TANC1: variants seen among roughly 807,000 people sequenced by gnomAD.
TANC1 encodes tetratricopeptide repeat, ankyrin repeat and coiled-coil containing 1, also known as protein TANC1.
A neutral mutation model predicts 149.7 loss-of-function variants in TANC1; 77 were observed. The ratio of observed to expected loss-of-function variants is 0.51; its 90% CI spans 0.43 to 0.62. The LOEUF is 0.62. TANC1 is among the 20% of genes least tolerant of loss of function. The pLI, the probability that TANC1 is intolerant of heterozygous loss-of-function variation, is 0.00. For missense variants in TANC1, 1,985 were observed against 2,321.8 expected, an observed-to-expected ratio of 0.85 and a Z score of 2.98; for synonymous variants, 854 against 925.0, an observed-to-expected ratio of 0.92 and a Z score of 1.39.
chr2:159,179,712 G>A (rs2056272680), intron 14 of TANC1, among the ~76,000 whole-genome samples: 1 of 152,174 alleles, frequency 6.6e-6, no homozygotes, highest in Admixed American at 6.5e-5. Context: ...TTCACCCTTT[G>A]TGGATGAGCT....
At chr2:159,177,807 G>C (rs930481664) in intron 13 of TANC1, among the ~76,000 whole-genome samples, 2 of 152,176 alleles carry the variant, frequency 1.3e-5, no homozygotes, top group African/African-American at 4.8e-5. Context: ...TTAATCTTTG[G>C]AATGGGGAAG....
intron 2 of TANC1, among the ~76,000 whole-genome samples, chr2:159,051,074 C>T (rs1482163288): frequency 1.3e-5 from 2 of 152,346 alleles, no homozygotes; most frequent in East Asian, 3.9e-4. Context: ...ATCTGTGCAA[C>T]ATCTTCATTA....
intron 2 of TANC1, among the ~76,000 whole-genome samples, chr2:159,007,203 A>G (rs894810338): frequency 6.5e-5 from 9 of 137,672 alleles, no homozygotes; most frequent in African/African-American, 2.5e-4. Context: ...CTACATTGCA[A>G]TGGTGCGATC....
chr2:159,165,690 A>C (rs1227171876), intron 8 of TANC1, among the ~76,000 whole-genome samples: 2 of 152,272 alleles, frequency 1.3e-5, no homozygotes, highest in African/African-American at 4.8e-5. Flanking sequence ...TAGAAGAATC[A>C]GAATAATATG....
chr2:159,213,854 A>G (rs557699431), intron 19 of TANC1, among the ~76,000 whole-genome samples: 1 of 152,230 alleles, frequency 6.6e-6, no homozygotes, highest in Admixed American at 6.5e-5. Flanking sequence ...GGCCGGGCAC[A>G]GTGGCTCGCA....
intron 4 of TANC1, among the ~76,000 whole-genome samples, chr2:159,132,080 T>G (rs978378737): frequency 1.3e-5 from 2 of 152,206 alleles, no homozygotes; most frequent in African/African-American, 4.8e-5. Context: ...GTGCCTGGGC[T>G]TCAAAACTGC....
At chr2:159,034,872 G>A (rs1228325667) in intron 2 of TANC1, among the ~76,000 whole-genome samples, 3 of 152,194 alleles carry the variant, frequency 2.0e-5, no homozygotes, top group Admixed American at 6.5e-5. Flanking sequence ...ACTCACCGAC[G>A]CTGGCTTTGC....
chr2:159,087,029 C>T (rs1364022824), intron 3 of TANC1, among the ~76,000 whole-genome samples: 1 of 151,816 alleles, frequency 6.6e-6, no homozygotes, highest in Non-Finnish European at 1.5e-5. Flanking sequence ...GCATCCCAAT[C>T]GTGAAAAATG....
chr2:159,185,687 G>A (rs17494014), intron 14 of TANC1, 104 bp from the exon 15 acceptor site: 197,413 of 722,144 alleles, frequency 0.27, 32,140 homozygotes, highest in Non-Finnish European at 0.35. Flanking sequence ...TCTTTGTCAC[G>A]GGCATAAATC....
At position 159,136,043 on chromosome 2, in the gene TANC1, T is replaced by C. The variant is rs1358671260; in HGVS notation, c.260-151T>C. On this transcript the variant is annotated intron_variant, in intron 4 of 26. Coordinates refer to ENST00000263635, the MANE Select transcript of TANC1 (RefSeq NM_033394.3). ...GTGTGTGTGTGTGTGTGTGTGTGTG[T>C]GTGTGTGCGCGCGCGCGCGTTTAAG... 379 of 214,728 alleles carry C rather than the reference T, an allele frequency of 1.8e-3. 18 individuals are homozygous for C. Among genetic ancestry groups the C allele is most frequent in the African/African-American group, 0.013 (313 of 24,164 alleles). 13.3% of individuals were successfully genotyped at this position (214,728 alleles called of 1,614,324 possible).
chr2:159,225,616 G>C, intron 23 of TANC1, 72 bp from the exon 24 acceptor site: 1 of 1,239,100 alleles, frequency 8.1e-7, no homozygotes, highest in Admixed American at 1.7e-5. Flanking sequence ...CTCCAGCCGT[G>C]GGGCCACGGA....
chr2:159,209,745 G>C (rs542802465), intron 19 of TANC1, among the ~76,000 whole-genome samples: 7 of 152,058 alleles, frequency 4.6e-5, no homozygotes, highest in African/African-American at 1.7e-4. Flanking sequence ...TGTGCAGTGT[G>C]TCAGGCACAC....
chr2:159,186,387 G>A (rs894657083), intron 15 of TANC1, among the ~76,000 whole-genome samples: 4 of 152,132 alleles, frequency 2.6e-5, no homozygotes, highest in East Asian at 1.9e-4. Context: ...CTATAGGCAC[G>A]CTCCACCTTG....
intron 26 of TANC1, 98 bp downstream of exon 26, chr2:159,228,994 C>T: frequency 4.4e-6 from 4 of 899,210 alleles, no homozygotes; most frequent in Non-Finnish European, 3.6e-6. Context: ...AAGTGTTGCT[C>T]AGGTGCCTCT....
chr2:159,063,351 G>T (rs2042404918), intron 2 of TANC1, among the ~76,000 whole-genome samples: 1 of 152,174 alleles, frequency 6.6e-6, no homozygotes. Context: ...TCCTATAAAT[G>T]CTATTTGTGA....
chr2:159,016,973 A>T (rs2038345635), intron 2 of TANC1, among the ~76,000 whole-genome samples: 1 of 152,098 alleles, frequency 6.6e-6, no homozygotes, highest in Non-Finnish European at 1.5e-5. Flanking sequence ...TTAGATGGTG[A>T]CAGTTTTGCT....
chr2:159,214,819 C>T (rs2059243335), intron 19 of TANC1, among the ~76,000 whole-genome samples: 1 of 152,162 alleles, frequency 6.6e-6, no homozygotes, highest in Non-Finnish European at 1.5e-5. Flanking sequence ...GATTAAGAGG[C>T]TTGAGGACAT....
At chr2:159,016,832 C>G (rs1310341516) in intron 2 of TANC1, among the ~76,000 whole-genome samples, 1 of 152,070 alleles carries the variant, frequency 6.6e-6, no homozygotes, top group East Asian at 1.9e-4. Context: ...CCTTGGCCTC[C>G]CAAAGTGCTG....
chr2:159,106,594 T>A (rs1267018535), intron 4 of TANC1, among the ~76,000 whole-genome samples: 3 of 152,252 alleles, frequency 2.0e-5, no homozygotes, highest in Non-Finnish European at 4.4e-5. Context: ...TATTTTGTTG[T>A]TTCCACATTG....
Sources: allele counts gnomAD v4.1 joint callset (sites outside exome capture counted in the v4.1 genomes callset), GRCh38; gene constraint gnomAD v4.1.1; transcripts MANE v1.5; gene names NCBI Gene and HGNC (gene_info 2026-07-23, HGNC 2026-07-21).